The following KIF16B variants were observed in gnomAD, a reference collection of about 807,000 sequenced individuals.
KIF16B encodes the protein kinesin-like protein KIF16B.
KIF16B carries 98 observed loss-of-function variants against 156.3 expected under a neutral mutation model. The ratio of observed to expected loss-of-function variants is 0.63; its 90% CI spans 0.53 to 0.74. KIF16B has a LOEUF of 0.74. Among genes scored for constraint, KIF16B ranks in the 30% least tolerant of loss-of-function variants. The pLI is 0.00. For missense variants in KIF16B, 1,421 were observed against 1,606.5 expected (o/e 0.88, Z 1.97); for synonymous variants, 564 against 583.7 (o/e 0.97, Z 0.49).
intron 25 of KIF16B, among the ~76,000 whole-genome samples, chr20:16,281,423 C>T (rs1601481152): frequency 6.6e-6 from 1 of 152,186 alleles, no homozygotes; most frequent in East Asian, 1.9e-4. Flanking sequence ...AATGGAGCTA[C>T]TCAGGGATGT....
chr20:16,559,753 G>C (rs2147350443), intron 1 of KIF16B, among the ~76,000 whole-genome samples: 1 of 150,676 alleles, frequency 6.6e-6, no homozygotes, highest in East Asian at 2.0e-4. Flanking sequence ...ACTCCAGCCT[G>C]GGTGACAGAG....
intron 12 of KIF16B, among the ~76,000 whole-genome samples, chr20:16,436,502 A>T (rs1486483721): frequency 6.6e-6 from 1 of 152,034 alleles, no homozygotes; most frequent in African/African-American, 2.4e-5. Flanking sequence ...TCCAGTTACC[A>T]CCACTGGCCA....
intron 12 of KIF16B, among the ~76,000 whole-genome samples, chr20:16,433,752 G>T (rs1365809709): frequency 1.3e-5 from 2 of 152,134 alleles, no homozygotes; most frequent in South Asian, 2.1e-4. Context: ...CATTCAAGCT[G>T]CATTCAACTA....
intron 25 of KIF16B, among the ~76,000 whole-genome samples, chr20:16,309,184 A>T (rs2063583565): frequency 6.6e-6 from 1 of 152,246 alleles, no homozygotes; most frequent in Non-Finnish European, 1.5e-5. Context: ...TAAAGCAATT[A>T]TTAGCCAGAT....
At chr20:16,549,184 T>A (rs1158883219) in intron 1 of KIF16B, among the ~76,000 whole-genome samples, 3 of 96,704 alleles carry the variant, frequency 3.1e-5, no homozygotes, top group Non-Finnish European at 6.1e-5. Flanking sequence ...ATGCCATCCC[T>A]CCCCCCTCCC....
intron 22 of KIF16B, chr20:16,367,463 G>A (rs267605847): frequency 1.1e-5 from 18 of 1,612,732 alleles, no homozygotes; most frequent in African/African-American, 1.3e-5. Flanking sequence ...TTTCGAGATC[G>A]AATGCGTGGA....
At chr20:16,421,918 G>C (rs1281332359) in intron 15 of KIF16B, among the ~76,000 whole-genome samples, 1 of 152,098 alleles carries the variant, frequency 6.6e-6, no homozygotes, top group Non-Finnish European at 1.5e-5. Flanking sequence ...ATCCCGCAGG[G>C]AAAGACAATT....
rs2066453663 is a variant in KIF16B, at chr20:16,429,904, C to A, written c.1381G>T (p.Asp461Tyr). 6.2e-7 allele frequency: 1 copy of A among 1,612,602 alleles called. No individual in the cohort carries two copies. The highest frequency in any genetic ancestry group is 2.2e-5 in the East Asian group (1 of 44,794). ...ATGATTCCAGTACTCAAAAGGTCAT[C>A]ATCGATGCCAATCAAATGAGGCAGT... ...SELPHLIGID[D>Y]DLLSTGIILY... The change falls in exon 13 of 26, where the codon GAT (aspartate) becomes TAT (tyrosine). Residue 461 changes from aspartate (D) to tyrosine (Y), a missense_variant. Asp to Tyr is a radical substitution (Grantham distance 160). Coordinates refer to ENST00000354981, the MANE Select transcript of KIF16B (RefSeq NM_024704.5).
At chr20:16,452,107 A>G (rs970384616) in intron 12 of KIF16B, among the ~76,000 whole-genome samples, 1 of 152,162 alleles carries the variant, frequency 6.6e-6, no homozygotes, top group African/African-American at 2.4e-5. Flanking sequence ...AATATTCACC[A>G]ACAGGAGGAG....
intron 12 of KIF16B, among the ~76,000 whole-genome samples, chr20:16,481,696 TCTTTTGTGATGTCTGTGTGG>T (rs2067988713): frequency 6.6e-6 from 1 of 152,180 alleles, no homozygotes; most frequent in African/African-American, 2.4e-5. Context: ...AAAATGACCA[TCTTTTGTGATGTCTGTGTGG>T]CTAAATTCTT....
intron 12 of KIF16B, among the ~76,000 whole-genome samples, chr20:16,468,877 A>G (rs1410486915): frequency 1.3e-5 from 2 of 152,120 alleles, no homozygotes; most frequent in East Asian, 3.9e-4. Flanking sequence ...TCATCCAACA[A>G]CAGCAAATTA....
intron 23 of KIF16B, among the ~76,000 whole-genome samples, chr20:16,343,393 G>A (rs2064175554): frequency 1.3e-5 from 2 of 152,162 alleles, no homozygotes; most frequent in South Asian, 2.1e-4. Flanking sequence ...GTGTAAAGAG[G>A]AGAATCAACA....
chr20:16,487,251 C>CAA (rs61387852), intron 12 of KIF16B, among the ~76,000 whole-genome samples: 123 of 142,878 alleles, frequency 8.6e-4, no homozygotes, highest in Non-Finnish European at 1.1e-3. Flanking sequence ...GACTCCATCT[C>CAA]AAAAAAAAAA....
intron 1 of KIF16B, among the ~76,000 whole-genome samples, chr20:16,569,083 G>A (rs1327664077): frequency 6.6e-6 from 1 of 152,066 alleles, no homozygotes; most frequent in Non-Finnish European, 1.5e-5. Flanking sequence ...CTCCTGCCAC[G>A]TGAGTACACA....
chr20:16,331,670 G>C (rs528731141), intron 24 of KIF16B, among the ~76,000 whole-genome samples: 1 of 152,104 alleles, frequency 6.6e-6, no homozygotes, highest in African/African-American at 2.4e-5. Context: ...GTGAAGGAGC[G>C]AAGTAAATAA....
Position 16,379,908 on chromosome 20 carries a change from T to C in KIF16B, c.2094A>G (p.Glu698=). 6.2e-7 allele frequency: 1 copy of C among 1,614,192 alleles called. No individual in the cohort carries two copies. The highest frequency in any genetic ancestry group is 8.5e-7 in the Non-Finnish European group (1 of 1,180,032). The change falls in exon 19 of 26, where the codon GAA becomes GAG. Residue 698 remains glutamate, a synonymous_variant. Transcript: ENST00000354981. ...QEIELQKKRQ[E]EETFLRVQEE... ...CTTGGACGCGGAGAAAGGTCTCTTC[T>C]TCTTGTCTCTTCTTCTGCAGCTCGA...
intron 24 of KIF16B, among the ~76,000 whole-genome samples, chr20:16,312,807 T>G (rs2063641237): frequency 6.6e-6 from 1 of 152,080 alleles, no homozygotes; most frequent in African/African-American, 2.4e-5. Context: ...CCAATTAGTT[T>G]TGTGTTGAGA....
intron 23 of KIF16B, among the ~76,000 whole-genome samples, chr20:16,349,117 G>A (rs2064287825): frequency 6.6e-6 from 1 of 152,194 alleles, no homozygotes; most frequent in Non-Finnish European, 1.5e-5. Flanking sequence ...CTGGCTCTGG[G>A]CACCCTTTGT....
At chr20:16,442,792 G>A (rs2066838511) in intron 12 of KIF16B, among the ~76,000 whole-genome samples, 1 of 152,062 alleles carries the variant, frequency 6.6e-6, no homozygotes, top group South Asian at 2.1e-4. Context: ...GCCAGTTGAG[G>A]AGCCAGTATC....
Sources: allele counts gnomAD v4.1 joint callset (sites outside exome capture counted in the v4.1 genomes callset), GRCh38; gene constraint gnomAD v4.1.1; transcripts MANE v1.5; gene names NCBI Gene and HGNC (gene_info 2026-07-23, HGNC 2026-07-21).